The following TRRAP variants were observed in gnomAD, a reference collection of about 807,000 sequenced individuals.
The protein encoded by TRRAP is transformation/transcription domain associated protein, also known as transformation/transcription domain-associated protein.
A neutral mutation model predicts 438.8 loss-of-function variants in TRRAP; 41 were observed. The observed-to-expected ratio is 0.09, with a 90% CI of 0.07 to 0.12. The LOEUF (loss-of-function observed/expected upper bound fraction) is 0.12, where lower values mean the gene tolerates loss of function less well. Among genes scored for constraint, TRRAP ranks in the 10% least tolerant of loss-of-function variants. TRRAP has a pLI of 1.00. For synonymous variants in TRRAP, 1,994 were observed against 1,962.9 expected (o/e 1.02, Z -0.42); for missense variants, 3,122 against 5,055.1 (o/e 0.62, Z 11.60).
At position 99,004,465 on chromosome 7, in the gene TRRAP, A is replaced by G. The variant is rs767783022; in HGVS notation, c.10535+50A>G. On this transcript the variant is annotated intron_variant, in intron 68 of 72. Coordinates refer to ENST00000456197, the MANE Select transcript of TRRAP (RefSeq NM_001375524.1). ...GAACTAACCCACGGCGCCCATGGAC[A>G]TGGAGCCCCATGGGAGCTCCAGGGT... 13 of 1,528,326 alleles carry G rather than the reference A, an allele frequency of 8.5e-6. No individual in the cohort carries two copies. In the South Asian group the frequency reaches 1.1e-4, roughly 13 times the overall value. 94.7% of individuals were successfully genotyped at this position (1,528,326 alleles called of 1,614,324 possible).
chr7:99,007,849 T>A (rs889662106), intron 69 of TRRAP, among the ~76,000 whole-genome samples: 1 of 149,356 alleles, frequency 6.7e-6, no homozygotes, highest in African/African-American at 2.5e-5. Context: ...TTCTTTGAGA[T>A]GGAGTCTCGC....
chr7:98,892,592 T>C (rs1412255543), intron 5 of TRRAP, 64 bp downstream of exon 5: 23 of 1,370,460 alleles, frequency 1.7e-5, no homozygotes, highest in Admixed American at 2.3e-5. Context: ...ATTTTTCTTA[T>C]GGTAAATTTC....
At chr7:98,978,008 G>A (rs1173616868) in intron 56 of TRRAP, among the ~76,000 whole-genome samples, 1 of 152,208 alleles carries the variant, frequency 6.6e-6, no homozygotes, top group Admixed American at 6.5e-5. Context: ...TTAGCCAGGT[G>A]CAGGCAGGCA....
intron 28 of TRRAP, among the ~76,000 whole-genome samples, chr7:98,936,004 C>T (rs1319855336): frequency 2.0e-5 from 3 of 152,192 alleles, no homozygotes; most frequent in African/African-American, 7.2e-5. Context: ...AGGGACATGA[C>T]AGCCTTAGAA....
At chr7:98,964,573 C>T (rs1458121759) in intron 47 of TRRAP, 56 bp from the exon 48 acceptor site, 36 of 1,586,190 alleles carry the variant, frequency 2.3e-5, no homozygotes, top group Admixed American at 3.6e-5. Context: ...TGCTTTCACT[C>T]TGTTTTTCGT....
chr7:98,927,802 C>T (rs1185521851), intron 23 of TRRAP, among the ~76,000 whole-genome samples: 1 of 152,228 alleles, frequency 6.6e-6, no homozygotes, highest in Non-Finnish European at 1.5e-5. Context: ...GTTTCTGCTC[C>T]CAGGATCCTC....
chr7:98,990,921 A>G (rs896598478), intron 64 of TRRAP, among the ~76,000 whole-genome samples: 1 of 152,232 alleles, frequency 6.6e-6, no homozygotes, highest in Non-Finnish European at 1.5e-5. Context: ...TACAATTGCC[A>G]GTGGGTACCC....
intron 5 of TRRAP, among the ~76,000 whole-genome samples, chr7:98,892,786 G>C (rs1347715521): frequency 6.6e-6 from 1 of 152,210 alleles, no homozygotes; most frequent in African/African-American, 2.4e-5. Flanking sequence ...CGGATGGTGA[G>C]CCGGGTGCGG....
At position 98,957,937 on chromosome 7, in the gene TRRAP, A is replaced by T. The variant is rs1339811300; in HGVS notation, c.6232-44A>T. The T allele has an allele frequency of 3.9e-6, 6 of 1,556,874 alleles. No homozygotes were observed. In the African/African-American group the frequency reaches 8.2e-5, roughly 21 times the overall value. On this transcript the variant is annotated intron_variant, in intron 43 of 72. Coordinates refer to ENST00000456197, the MANE Select transcript of TRRAP (RefSeq NM_001375524.1). ...AAAAGTCAAGCCTGGGTTGGAAATTAGTGTTGCGATTCTCTTCCTGCCTGA... is the reference window on the plus strand; with the variant it reads ...AAAAGTCAAGCCTGGGTTGGAAATTTGTGTTGCGATTCTCTTCCTGCCTGA...
At chr7:98,895,935 G>C (rs1796178278) in intron 7 of TRRAP, 115 bp downstream of exon 7, 2 of 715,160 alleles carry the variant, frequency 2.8e-6, no homozygotes, top group African/African-American at 1.8e-5. Context: ...TACTATTTTA[G>C]AATGGGGAAT....
Position 98,933,303 on chromosome 7 carries a change from G to C in TRRAP, c.3915G>C (p.Gln1305His). ...HLLRHQPANA[Q>H]IGLMEGNTFC... The stretch of plus-strand genomic sequence containing the variant: ...TCCGACACCAGCCTGCCAACGCACA[G>C]ATTGGCCTGATGGAGGGGAACACGT... Residue 1305 changes from glutamine to histidine, a missense_variant, in exon 27 of 73, where the codon CAG (glutamine) becomes CAC (histidine). By Grantham distance (24) the Gln-to-His change is conservative (BLOSUM62 0). Coordinates refer to ENST00000456197, the MANE Select transcript of TRRAP (RefSeq NM_001375524.1). 6.2e-7 allele frequency: 1 copy of C among 1,614,188 alleles called. No homozygotes were observed. The highest frequency in any genetic ancestry group is 8.5e-7 in the Non-Finnish European group (1 of 1,180,048).
In TRRAP at chr7:98,900,615, CTTA is replaced by C. The variant is rs782454741; in HGVS notation, c.801-6_801-4del. On this transcript the variant is annotated splice_region_variant and splice_polypyrimidine_tract_variant and intron_variant, in intron 10 of 72. Transcript: ENST00000456197. ...TGAGAGGTAATATTTTTGTTCTCTT[CTTA>C]TTCAGGCAACATAAGCTTTACAACA... 19 of 1,604,930 alleles carry C rather than the reference CTTA, an allele frequency of 1.2e-5. No homozygotes were observed. In the East Asian group the frequency reaches 4.2e-4, roughly 36 times the overall value.
In TRRAP at chr7:98,935,644, G is replaced by C. The variant is rs374276067; in HGVS notation, c.4080G>C (p.Pro1360=). ...AGCTGCCCTGTTATAAAAGCCTTCC[G>C]TCACTCGTACCTTTACGAATTGCGG... is the stretch of plus-strand genomic sequence containing the variant. ...LTKLPCYKSL[P]SLVPLRIAAL... Residue 1360 remains proline (P), a synonymous_variant, in exon 28 of 73, where the codon CCG becomes CCC. Coordinates refer to ENST00000456197, the MANE Select transcript of TRRAP (RefSeq NM_001375524.1). 186 of 1,603,908 alleles carry C rather than the reference G, an allele frequency of 1.2e-4. No homozygotes were observed. The highest frequency in any genetic ancestry group is 1.5e-4 in the Non-Finnish European group (176 of 1,171,762).
At chr7:98,879,053 C>T (rs1372591600) in intron 1 of TRRAP, among the ~76,000 whole-genome samples, 1 of 151,578 alleles carries the variant, frequency 6.6e-6, no homozygotes, top group Non-Finnish European at 1.5e-5. Context: ...CGGCACTGGA[C>T]TCGTTAGGCC....
chr7:98,996,908 ATCC>A (rs1793686411), intron 67 of TRRAP, among the ~76,000 whole-genome samples: 1 of 152,212 alleles, frequency 6.6e-6, no homozygotes, highest in Non-Finnish European at 1.5e-5. Flanking sequence ...AAGATTAAGT[ATCC>A]TCTTTGACAA....
intron 67 of TRRAP, chr7:98,999,536 G>A: frequency 1.4e-6 from 1 of 725,746 alleles, no homozygotes; most frequent in East Asian, 2.5e-5. Flanking sequence ...AGGGTCTCTT[G>A]CTTAAGAAAC....
chr7:98,966,008 C>A, intron 49 of TRRAP, 113 bp downstream of exon 49: 3 of 1,186,902 alleles, frequency 2.5e-6, no homozygotes, highest in Non-Finnish European at 3.6e-6. Flanking sequence ...GCTGTAATTG[C>A]ACTCACAGCA....
chr7:98,981,948 G>C lies in TRRAP; in HGVS notation c.8814G>C (p.Thr2938=). ...CCCACGTAGTGTCCCACGTGCACAC[G>C]CCTCTCCTACAGGTGCGTGCGGTGC... The part of the protein sequence containing the change: ...RLPHVVSHVH[T]PLLQAAQQII... Residue 2938 remains threonine (T), a synonymous_variant, in exon 59 of 73, where the codon ACG becomes ACC. Transcript: ENST00000456197. 6.3e-7 allele frequency: 1 copy of C among 1,598,146 alleles called. No homozygotes were observed. Among genetic ancestry groups the C allele is most frequent in the Non-Finnish European group, 8.5e-7 (1 of 1,173,718 alleles).
Position 99,004,240 on chromosome 7 carries a change from A to G in TRRAP, c.10360A>G (p.Lys3454Glu). 6.2e-7 allele frequency: 1 copy of G among 1,614,070 alleles called. No homozygotes were observed. Among genetic ancestry groups the G allele is most frequent in the Non-Finnish European group, 8.5e-7 (1 of 1,180,014 alleles). The change falls in exon 68 of 73, where the codon AAG becomes GAG. Residue 3454 changes from lysine to glutamate, a missense_variant. Transcript: ENST00000456197. ...GSMKLHNLIS[K>E]LKKWIKILEA... Reference sequence around the variant, plus strand: ...CATGAAGCTTCATAATCTTATTTCTAAGTTGAAAAAGTGGATCAAAATCTT... The same window carrying G: ...CATGAAGCTTCATAATCTTATTTCTGAGTTGAAAAAGTGGATCAAAATCTT...
Sources: gnomAD v4.1 joint callset for allele counts (sites outside exome capture counted in the v4.1 genomes callset) on GRCh38, gnomAD v4.1.1 for gene constraint, MANE v1.5 for transcripts, NCBI Gene and HGNC (gene_info 2026-07-23, HGNC 2026-07-21) for gene names.